Variants in TMEM53 observed in about 807,000 individuals in gnomAD.
TMEM53 encodes the protein transmembrane protein 53, also known as novel DUF829 domain-containing protein.
In TMEM53, 14 loss-of-function variants were observed where a neutral mutation model predicts 21.4. The observed-to-expected ratio is 0.65, with a 90% CI of 0.43 to 1.02. TMEM53 has a LOEUF of 1.02. TMEM53 is among the 50% of genes least tolerant of loss of function. TMEM53 has a pLI of 0.00. For missense variants in TMEM53, 323 were observed against 383.6 expected (o/e 0.84, Z 1.32); for synonymous variants, 148 against 157.4 (o/e 0.94, Z 0.45).
At chr1:44,673,811 G>A in intron 1 of TMEM53, 1 of 977,990 alleles carries the variant, frequency 1.0e-6, no homozygotes, top group South Asian at 4.7e-5. Flanking sequence ...GATTTCAGTC[G>A]AGTTCTACCC....
rs1401485103 is a variant in TMEM53, at chr1:44,653,946, A to G, written c.*613T>C. The G allele has an allele frequency of 6.6e-6, 1 of 152,420 alleles. No individual in the cohort carries two copies. Among genetic ancestry groups the G allele is most frequent in the Non-Finnish European group, 1.5e-5 (1 of 68,186 alleles). The allele number at this position is 152,420 out of a possible 1,614,324, so 9.4% of individuals were successfully genotyped here. A position where few individuals can be genotyped will look rare whatever the true frequency, so the allele number is the denominator to read the frequency against. ...GCACATAATCTCTTAAATTTTAAGT[A>G]TCGTACACACTTACAATTTTGTTAG... On this transcript the variant is annotated 3_prime_UTR_variant, in exon 3 of 3. Transcript: ENST00000372237.
chr1:44,670,169 TA>T (rs780360806), intron 1 of TMEM53, among the ~76,000 whole-genome samples: 303 of 103,668 alleles, frequency 2.9e-3, no homozygotes, highest in Admixed American at 3.1e-3. Context: ...TCCTCTGTAT[TA>T]AAAAAAAAAA....
Position 44,659,118 on chromosome 1 carries a change from G to A in TMEM53, c.183+1056C>T, listed in dbSNP as rs535494361. Among the ~76,000 whole-genome samples, 11 of 152,324 alleles carry A rather than the reference G, an allele frequency of 7.2e-5. No individual in the cohort carries two copies. The South Asian group carries it at 2.3e-3, about 32-fold the overall frequency. Reference sequence around the variant, plus strand: ...AAAGCAACACCAGAGCCCCAGCCTCGGAGGTCGGGGAGAGACTTCAAGCTC... The same window carrying A: ...AAAGCAACACCAGAGCCCCAGCCTCAGAGGTCGGGGAGAGACTTCAAGCTC... On this transcript the variant is annotated intron_variant, in intron 2 of 2. Coordinates refer to ENST00000372237, the MANE Select transcript of TMEM53 (RefSeq NM_024587.4).
At chr1:44,669,133 T>C (rs1644976619) in intron 1 of TMEM53, among the ~76,000 whole-genome samples, 1 of 152,252 alleles carries the variant, frequency 6.6e-6, no homozygotes, top group African/African-American at 2.4e-5. Flanking sequence ...TCACAAGTAA[T>C]GCATACTCAC....
At chr1:44,662,013 G>A (rs1331395546) in intron 1 of TMEM53, among the ~76,000 whole-genome samples, 2 of 152,242 alleles carry the variant, frequency 1.3e-5, no homozygotes, top group Non-Finnish European at 2.9e-5. Context: ...CAAGCCACTT[G>A]GCTATGCTCA....
rs550181162 is a variant in TMEM53 at position 44,655,621 on chromosome 1, C to A, written c.184-412G>T. ...GATGGGGCCTCACTGCTTGGCTATA[C>A]CCTGTCCCAGCACCTCAGATCTGCA... is the stretch of plus-strand genomic sequence containing the variant. On this transcript the variant is annotated intron_variant, in intron 2 of 2. Coordinates refer to ENST00000372237, the MANE Select transcript of TMEM53 (RefSeq NM_024587.4). This position sits in a 1 kb window ranked among gnomAD's most constrained non-coding sequence, Gnocchi z 4.4. 2.6e-5 allele frequency among the ~76,000 whole-genome samples: 4 copies of A among 152,210 alleles called. No homozygotes were observed. The highest frequency in any genetic ancestry group is 2.0e-4 in the Admixed American group (3 of 15,298).
chr1:44,658,364 A>G (rs1644868716), intron 2 of TMEM53, among the ~76,000 whole-genome samples: 2 of 152,016 alleles, frequency 1.3e-5, no homozygotes, highest in African/African-American at 4.8e-5. Context: ...CCCTGTGCCC[A>G]TGCCCAATCT....
chr1:44,665,153 C>T (rs1403203674), intron 1 of TMEM53, among the ~76,000 whole-genome samples: 2 of 151,934 alleles, frequency 1.3e-5, no homozygotes, highest in Non-Finnish European at 2.9e-5. Flanking sequence ...CAGCACCCAC[C>T]ACCACACCAC....
At chr1:44,672,690 C>A (rs1048964440) in intron 1 of TMEM53, among the ~76,000 whole-genome samples, 2 of 151,836 alleles carry the variant, frequency 1.3e-5, no homozygotes, top group Non-Finnish European at 2.9e-5. Flanking sequence ...ATTCTAAGAC[C>A]CAGCCTCCTG....
chr1:44,663,805 A>G (rs1644922495), intron 1 of TMEM53, among the ~76,000 whole-genome samples: 1 of 152,022 alleles, frequency 6.6e-6, no homozygotes, highest in Admixed American at 6.5e-5. Flanking sequence ...ACCACTAAAA[A>G]CTTCTCCAGC....
chr1:44,660,332 G>A (rs111511153), intron 1 of TMEM53, 37 bp from the exon 2 acceptor site: 6 of 1,587,100 alleles, frequency 3.8e-6, no homozygotes, highest in African/African-American at 2.7e-5. Context: ...ACCAGAGCTG[G>A]GGTGGGGGCG....
At position 44,654,461 on chromosome 1, in the gene TMEM53, T is replaced by C; in HGVS notation, c.*98A>G. 7.0e-7 allele frequency: 1 copy of C among 1,428,968 alleles called. No individual in the cohort carries two copies. The highest frequency in any genetic ancestry group is 9.5e-7 in the Non-Finnish European group (1 of 1,047,626). The allele number at this position is 1,428,968 out of a possible 1,614,324, so 88.5% of individuals were successfully genotyped here. ...AGGGGACCGCAAAGTCCCAAAGGGC[T>C]ACAGGGAGTTGAACGAGAAGAGTGC... On this transcript the variant is annotated 3_prime_UTR_variant, in exon 3 of 3. Coordinates refer to ENST00000372237, the MANE Select transcript of TMEM53 (RefSeq NM_024587.4). This position sits in a 1 kb window ranked among gnomAD's most constrained non-coding sequence, Gnocchi z 7.0.
Position 44,674,335 on chromosome 1 carries a change from G to C in TMEM53, c.57C>G (p.Ser19Arg). 6.2e-7 allele frequency: 1 copy of C among 1,611,938 alleles called. No homozygotes were observed. ...GACCCAACCCTCATTCCATACTCTGGCTCCAGCAGGGCTGATCCGGGATCT... is the reference window on the plus strand; with the variant it reads ...GACCCAACCCTCATTCCATACTCTGCCTCCAGCAGGGCTGATCCGGGATCT... ...TIEIPDQPCW[S>R]QKNSPSPGGK... The change falls in exon 1 of 3, where the codon AGC becomes AGG. Residue 19 changes from serine to arginine, a missense_variant. Transcript: ENST00000372237.
At chr1:44,665,386 C>T (rs1018149096) in intron 1 of TMEM53, among the ~76,000 whole-genome samples, 12 of 152,134 alleles carry the variant, frequency 7.9e-5, no homozygotes, top group South Asian at 2.1e-4. Context: ...CCTATAATCC[C>T]AGTATTTTGG....
intron 1 of TMEM53, among the ~76,000 whole-genome samples, chr1:44,669,421 C>T (rs1314233506): frequency 6.6e-6 from 1 of 152,106 alleles, no homozygotes; most frequent in Non-Finnish European, 1.5e-5. Context: ...TAATTGTTTC[C>T]TAGAAATGGC....
chr1:44,655,233 C>T lies in TMEM53; in HGVS notation c.184-24G>A. The stretch of plus-strand genomic sequence containing the variant: ...CCCTGGGGAGAGAGGCCTGGTCAGT[C>T]CTCACAGATGAGGTGGGGGTAGTGG... On this transcript the variant is annotated intron_variant, in intron 2 of 2. Coordinates refer to ENST00000372237, the MANE Select transcript of TMEM53 (RefSeq NM_024587.4). The surrounding 1 kb of genome is among the most constrained non-coding windows in gnomAD (Gnocchi z 4.4). The T allele has an allele frequency of 1.3e-6, 2 of 1,569,806 alleles. No homozygotes were observed. The highest frequency in any genetic ancestry group is 8.6e-7 in the Non-Finnish European group (1 of 1,157,506).
intron 1 of TMEM53, among the ~76,000 whole-genome samples, chr1:44,666,849 T>G (rs895387081): frequency 6.6e-6 from 1 of 151,738 alleles, no homozygotes; most frequent in Non-Finnish European, 1.5e-5. Flanking sequence ...TACTTTTTTT[T>G]TTTGTTTTGT....
chr1:44,667,629 G>GA (rs1399052905), intron 1 of TMEM53, among the ~76,000 whole-genome samples: 1 of 151,766 alleles, frequency 6.6e-6, no homozygotes, highest in African/African-American at 2.4e-5. Flanking sequence ...TTAATGCATA[G>GA]AAAAAAATAC....
At chr1:44,657,798 C>G (rs572863201) in intron 2 of TMEM53, among the ~76,000 whole-genome samples, 1 of 152,154 alleles carries the variant, frequency 6.6e-6, no homozygotes, top group Non-Finnish European at 1.5e-5. Flanking sequence ...TTCTGAGCCT[C>G]CCAAAGTGCT....
Sources: allele counts gnomAD v4.1 joint callset (sites outside exome capture counted in the v4.1 genomes callset), GRCh38; gene constraint gnomAD v4.1.1; non-coding constraint Gnocchi (gnomAD v3.1); transcripts MANE v1.5; gene names NCBI Gene and HGNC (gene_info 2026-07-23, HGNC 2026-07-21).